Variants in RASSF5 observed in about 807,000 individuals in gnomAD.
RASSF5 encodes the protein Ras association domain family member 5, also known as ras association domain-containing protein 5.
RASSF5 carries 25 observed loss-of-function variants against 40.5 expected under a neutral mutation model. That is an observed-to-expected ratio of 0.62 (90% CI 0.45 to 0.86). The LOEUF (loss-of-function observed/expected upper bound fraction) is 0.86, where lower values mean the gene tolerates loss of function less well. Ranked by LOEUF, RASSF5 falls within the 40% of genes least tolerant of loss-of-function variation. The probability of loss-of-function intolerance (pLI) is 0.00; values close to 1 mark genes in which losing one functional copy is unlikely to be tolerated. For missense variants in RASSF5, 521 were observed against 572.8 expected (o/e 0.91, Z 0.92); for synonymous variants, 246 against 252.4 (o/e 0.97, Z 0.24).
intron 1 of RASSF5, among the ~76,000 whole-genome samples, chr1:206,517,581 C>T (rs537924106): frequency 2.8e-4 from 42 of 152,354 alleles, no homozygotes; most frequent in Admixed American, 2.7e-3. Flanking sequence ...GGACACCCCT[C>T]TCTAGTGGCT....
At chr1:206,515,462 T>C (rs1553395276) in intron 1 of RASSF5, among the ~76,000 whole-genome samples, 2 of 152,222 alleles carry the variant, frequency 1.3e-5, no homozygotes, top group Non-Finnish European at 2.9e-5. Flanking sequence ...AGGATCTTTT[T>C]CTGTTCCAGT....
At chr1:206,532,664 T>C (rs2103518676) in intron 1 of RASSF5, among the ~76,000 whole-genome samples, 1 of 152,352 alleles carries the variant, frequency 6.6e-6, no homozygotes, top group African/African-American at 2.4e-5. Context: ...GCTTTGTCCA[T>C]GCAGAGTGAG....
intron 1 of RASSF5, among the ~76,000 whole-genome samples, chr1:206,516,144 T>G (rs1666739577): frequency 6.6e-6 from 1 of 152,226 alleles, no homozygotes; most frequent in South Asian, 2.1e-4. Context: ...GCCTCCAGCA[T>G]GGAGGTCATT....
intron 2 of RASSF5, among the ~76,000 whole-genome samples, chr1:206,556,208 C>T (rs931092552): frequency 3.9e-5 from 6 of 152,228 alleles, no homozygotes; most frequent in Non-Finnish European, 7.3e-5. Context: ...AGGGTCTGTA[C>T]ATGACAGTGA....
chr1:206,556,748 C>T (rs1043092579), intron 2 of RASSF5, among the ~76,000 whole-genome samples: 10 of 152,164 alleles, frequency 6.6e-5, no homozygotes, highest in Non-Finnish European at 8.8e-5. Context: ...ATTGCTGTTT[C>T]CCCAGGCAGG....
At chr1:206,577,469 C>T (rs1164918622) in intron 2 of RASSF5, among the ~76,000 whole-genome samples, 1 of 152,184 alleles carries the variant, frequency 6.6e-6, no homozygotes, top group Non-Finnish European at 1.5e-5. Context: ...CACATCAATC[C>T]TGTGAGACAA....
At chr1:206,578,744 A>C (rs1275526219) in intron 2 of RASSF5, among the ~76,000 whole-genome samples, 1 of 152,108 alleles carries the variant, frequency 6.6e-6, no homozygotes, top group Non-Finnish European at 1.5e-5. Context: ...TCTCATTGCC[A>C]CAGCATTCCT....
At position 206,531,354 on chromosome 1, in the gene RASSF5, C is replaced by CGG. The variant is rs1667231776; in HGVS notation, c.458-6817_458-6816dup. 1.3e-5 allele frequency among the ~76,000 whole-genome samples: 2 copies of CGG among 152,180 alleles called. No homozygotes were observed. Among genetic ancestry groups the CGG allele is most frequent in the African/African-American group, 4.8e-5 (2 of 41,426 alleles). On this transcript the variant is annotated intron_variant, in intron 1 of 5. Coordinates refer to ENST00000579436, the MANE Select transcript of RASSF5 (RefSeq NM_182663.4). This position sits in a 1 kb window ranked among gnomAD's most constrained non-coding sequence, Gnocchi z 4.7. ...TTCAGGAACTGTGGCCGAGGAGATC[C>CGG]GGAGCAGGCGGTGAGGTTGCAGAGG...
intron 2 of RASSF5, among the ~76,000 whole-genome samples, chr1:206,556,565 T>TA: frequency 6.6e-6 from 1 of 152,200 alleles, no homozygotes; most frequent in East Asian, 1.9e-4. Context: ...ATCCGGAAGA[T>TA]ACACAGATGA....
intron 2 of RASSF5, among the ~76,000 whole-genome samples, chr1:206,573,815 C>G (rs1668538651): frequency 6.6e-6 from 1 of 152,164 alleles, no homozygotes; most frequent in Non-Finnish European, 1.5e-5. Flanking sequence ...TGAGACCAGC[C>G]TGGGCAATAT....
chr1:206,521,880 G>A (rs1274010101), intron 1 of RASSF5, among the ~76,000 whole-genome samples: 1 of 152,200 alleles, frequency 6.6e-6, no homozygotes, highest in Non-Finnish European at 1.5e-5. Context: ...TACACCCAGA[G>A]CAAAGTGACA....
intron 1 of RASSF5, chr1:206,518,241 G>A (rs1263756303): frequency 2.3e-5 from 9 of 393,606 alleles, no homozygotes; most frequent in African/African-American, 1.0e-4. Flanking sequence ...AGAAGGCATC[G>A]TCAGTCGTTG....
intron 1 of RASSF5, chr1:206,528,874 C>T (rs1553397569): frequency 4.1e-6 from 2 of 491,098 alleles, no homozygotes; most frequent in African/African-American, 4.0e-5. Flanking sequence ...CTCGTCTCTA[C>T]AAAAAATTAA....
intron 2 of RASSF5, among the ~76,000 whole-genome samples, chr1:206,573,041 T>G (rs1668504056): frequency 6.6e-6 from 1 of 152,224 alleles, no homozygotes; most frequent in Non-Finnish European, 1.5e-5. Flanking sequence ...ATGATGGTGA[T>G]GATGATAATT....
intron 2 of RASSF5, among the ~76,000 whole-genome samples, chr1:206,547,535 A>G (rs1553400416): frequency 6.6e-6 from 1 of 152,036 alleles, no homozygotes; most frequent in Non-Finnish European, 1.5e-5. Context: ...ATCTAGTTGC[A>G]GGAAAACAAG....
chr1:206,518,035 G>A (rs1029349629), intron 1 of RASSF5, among the ~76,000 whole-genome samples: 13 of 152,158 alleles, frequency 8.5e-5, no homozygotes, highest in Non-Finnish European at 1.8e-4. Flanking sequence ...TGAGGTAACC[G>A]ATCACTTCTG....
chr1:206,525,257 C>A (rs1667069773), intron 1 of RASSF5, among the ~76,000 whole-genome samples: 1 of 151,012 alleles, frequency 6.6e-6, no homozygotes. Context: ...CAGGATGGTG[C>A]CCCTGCAGGC....
chr1:206,528,325 T>C (rs1400936565), intron 1 of RASSF5, among the ~76,000 whole-genome samples: 1 of 152,144 alleles, frequency 6.6e-6, no homozygotes, highest in African/African-American at 2.4e-5. Flanking sequence ...CTACGTATCT[T>C]ATGATTCCAA....
intron 1 of RASSF5, among the ~76,000 whole-genome samples, chr1:206,509,633 C>T (rs1239052575): frequency 3.3e-5 from 5 of 152,254 alleles, no homozygotes; most frequent in South Asian, 2.1e-4. Flanking sequence ...GCTGGAATCC[C>T]AGGAAATCTG....
Sources: allele counts gnomAD v4.1 joint callset (sites outside exome capture counted in the v4.1 genomes callset), GRCh38; gene constraint gnomAD v4.1.1; non-coding constraint Gnocchi (gnomAD v3.1); transcripts MANE v1.5; gene names NCBI Gene and HGNC (gene_info 2026-07-23, HGNC 2026-07-21).